The following DHRSX variants were observed in gnomAD, a reference collection of about 807,000 sequenced individuals.
DHRSX encodes the protein dehydrogenase/reductase X-linked, also known as polyprenol dehydrogenase.
In DHRSX, 31 loss-of-function variants were observed where a neutral mutation model predicts 34.0. The ratio of observed to expected loss-of-function variants is 0.91; its 90% CI spans 0.69 to 1.23. The LOEUF (loss-of-function observed/expected upper bound fraction) is 1.23. Ranked by LOEUF, DHRSX falls within the 50% of genes most tolerant of loss-of-function variation. DHRSX has a pLI of 0.00. For missense variants in DHRSX, 414 were observed against 428.1 expected, an observed-to-expected ratio of 0.97 and a Z score of 0.29; for synonymous variants, 201 against 183.8, an observed-to-expected ratio of 1.09 and a Z score of -0.76.
intron 3 of DHRSX, among the ~76,000 whole-genome samples, chrX:2,402,092 AG>A (rs1410931983): frequency 6.6e-6 from 1 of 152,206 alleles, no homozygotes; most frequent in Non-Finnish European, 1.5e-5. Context: ...AGGAGGGGAA[AG>A]CAGGCTAGAC....
intron 1 of DHRSX, among the ~76,000 whole-genome samples, chrX:2,434,570 C>T (rs183304363): frequency 1.0e-3 from 156 of 152,292 alleles, no homozygotes; most frequent in African/African-American, 3.5e-3. Flanking sequence ...ACCCTGGAGG[C>T]TGAAATGGGA....
intron 3 of DHRSX, among the ~76,000 whole-genome samples, chrX:2,358,683 G>T (rs2042888487): frequency 6.6e-6 from 1 of 152,110 alleles, no homozygotes; most frequent in Non-Finnish European, 1.5e-5. Context: ...TCATAGACGA[G>T]GAAAATGAGG....
At chrX:2,468,324 C>G (rs73622907) in intron 1 of DHRSX, among the ~76,000 whole-genome samples, 24,580 of 151,956 alleles carry the variant, frequency 0.16, 2,417 homozygotes, top group South Asian at 0.43. Context: ...GGTCAGGACG[C>G]TGGCTGGAGA....
chrX:2,452,535 C>A (rs1462600672), intron 1 of DHRSX, among the ~76,000 whole-genome samples: 11 of 151,936 alleles, frequency 7.2e-5, no homozygotes, highest in Admixed American at 3.9e-4. Flanking sequence ...TGAAGACGTT[C>A]CCGAAGAATG....
chrX:2,222,049 G>A (rs2015532986), intron 6 of DHRSX, among the ~76,000 whole-genome samples: 2 of 152,192 alleles, frequency 1.3e-5, no homozygotes, highest in South Asian at 2.1e-4. Flanking sequence ...TATCCACCAT[G>A]TGGGGACACA....
chrX:2,276,518 A>C (rs1010372664), intron 4 of DHRSX, among the ~76,000 whole-genome samples: 5 of 152,198 alleles, frequency 3.3e-5, no homozygotes, highest in Non-Finnish European at 7.3e-5. Flanking sequence ...CTGCCAATTC[A>C]AAGGTGGAAA....
At chrX:2,443,497 C>T (rs1038649998) in intron 1 of DHRSX, among the ~76,000 whole-genome samples, 4 of 152,068 alleles carry the variant, frequency 2.6e-5, no homozygotes, top group Non-Finnish European at 2.9e-5. Context: ...TCTGCCTCTC[C>T]GGACACAGCA....
chrX:2,488,818 G>A, intron 1 of DHRSX: 1 of 1,613,918 alleles, frequency 6.2e-7, no homozygotes, highest in Non-Finnish European at 8.5e-7. Flanking sequence ...GAGCCAGCCG[G>A]TTCCTCTTGG....
chrX:2,452,206 G>C (rs2044230780), intron 1 of DHRSX, among the ~76,000 whole-genome samples: 1 of 151,716 alleles, frequency 6.6e-6, no homozygotes, highest in Non-Finnish European at 1.5e-5. Flanking sequence ...CACTGAAGAT[G>C]TTCCCAAAAA....
At chrX:2,477,303 A>C (rs2044694813) in intron 1 of DHRSX, among the ~76,000 whole-genome samples, 1 of 152,208 alleles carries the variant, frequency 6.6e-6, no homozygotes, top group Admixed American at 6.5e-5. Flanking sequence ...GTTTGTTCAC[A>C]GCCGTGATTA....
chrX:2,456,676 C>A (rs1380781024), intron 1 of DHRSX, among the ~76,000 whole-genome samples: 3 of 150,952 alleles, frequency 2.0e-5, no homozygotes, highest in Non-Finnish European at 4.4e-5. Context: ...GCCAGGGATG[C>A]AAGCCCCTTC....
rs1266750615 is a variant in DHRSX, at chrX:2,314,461, GGAAGGGGA to G, written c.287-22866_287-22859del. ...AGGAAGGAAGGGGAGAAGGGAGGAAGGAAGGGGAGAAGGAAGGAAGGAAGGAAGGGAGG... is the reference window on the plus strand; with the variant it reads ...AGGAAGGAAGGGGAGAAGGGAGGAAGGAAGGAAGGAAGGAAGGAAGGGAGG... On this transcript the variant is annotated intron_variant, in intron 3 of 6. Transcript: ENST00000334651. Among the ~76,000 whole-genome samples the G allele has an allele frequency of 3.1e-5, 3 of 97,248 alleles. No individual in the cohort carries two copies. In the South Asian group the frequency reaches 9.3e-4, roughly 30 times the overall value. 63.8% of individuals were successfully genotyped at this position (97,248 alleles called of 152,430 possible). A position where few individuals can be genotyped will look rare whatever the true frequency, so the allele number is the denominator to read the frequency against.
intron 4 of DHRSX, among the ~76,000 whole-genome samples, chrX:2,283,178 A>G (rs1474565971): frequency 6.6e-6 from 1 of 151,982 alleles, no homozygotes; most frequent in Non-Finnish European, 1.5e-5. Context: ...CAGGGAGGCT[A>G]TGGGACGGAC....
At chrX:2,236,205 T>C (rs375319171) in intron 6 of DHRSX, among the ~76,000 whole-genome samples, 1 of 152,244 alleles carries the variant, frequency 6.6e-6, no homozygotes, top group South Asian at 2.1e-4. Flanking sequence ...CATAAGCCAA[T>C]TGGTGAGATG....
intron 3 of DHRSX, among the ~76,000 whole-genome samples, chrX:2,395,640 C>T (rs1437820987): frequency 6.6e-6 from 1 of 152,070 alleles, no homozygotes; most frequent in Non-Finnish European, 1.5e-5. Flanking sequence ...CCACCTCCAG[C>T]GGAACCCCCA....
intron 4 of DHRSX, among the ~76,000 whole-genome samples, chrX:2,283,062 GAA>G (rs1481765692): frequency 6.6e-6 from 1 of 151,926 alleles, no homozygotes; most frequent in African/African-American, 2.4e-5. Context: ...GAGAGTTACA[GAA>G]AGAGAGAGAG....
rs1273240077 is a variant in DHRSX at position 2,500,949 on chromosome X, C to G, written c.-24G>C. 2.2e-5 allele frequency: 23 copies of G among 1,027,026 alleles called. No homozygotes were observed. The East Asian group carries it at 1.6e-3, about 73-fold the overall frequency. The allele number at this position is 1,027,026 out of a possible 1,614,324, so 63.6% of individuals were successfully genotyped here. A position where few individuals can be genotyped will look rare whatever the true frequency, so the allele number is the denominator to read the frequency against. ...ATGGCTGCCCCGGCCGCGCCGCCGC[C>G]GCTTCCGCGCCGCCCGCGGGACTCT... On this transcript the variant is annotated 5_prime_UTR_variant, in exon 1 of 7. Coordinates refer to ENST00000334651, the MANE Select transcript of DHRSX (RefSeq NM_145177.3).
At chrX:2,300,876 A>G (rs1198913673) in intron 3 of DHRSX, among the ~76,000 whole-genome samples, 1 of 152,298 alleles carries the variant, frequency 6.6e-6, no homozygotes, top group Non-Finnish European at 1.5e-5. Flanking sequence ...CTGAGTTGAT[A>G]GGAAAGCAGA....
At chrX:2,276,692 GAACTCCAGAGAAAGGA>G (rs770577510) in intron 4 of DHRSX, among the ~76,000 whole-genome samples, 6,977 of 151,572 alleles carry the variant, frequency 0.046, 207 homozygotes, top group Non-Finnish European at 0.065. Context: ...TCCAAGCGGA[GAACTCCAGAGAAAGGA>G]GAGTGATGGG....
Sources: gnomAD v4.1 joint callset for allele counts (sites outside exome capture counted in the v4.1 genomes callset) on GRCh38, gnomAD v4.1.1 for gene constraint, MANE v1.5 for transcripts, NCBI Gene and HGNC (gene_info 2026-07-23, HGNC 2026-07-21) for gene names.